Variants in MBD5 observed in about 807,000 individuals in gnomAD.
The protein encoded by MBD5 is methyl-CpG-binding domain protein 5.
MBD5 carries 13 observed loss-of-function variants against 117.3 expected under a neutral mutation model. The ratio of observed to expected loss-of-function variants is 0.11; its 90% CI spans 0.07 to 0.18. The LOEUF (loss-of-function observed/expected upper bound fraction) is 0.18, where lower values mean the gene tolerates loss of function less well. MBD5 is among the 10% of genes least tolerant of loss of function. The probability of loss-of-function intolerance (pLI) is 1.00; values close to 1 mark genes in which losing one functional copy is unlikely to be tolerated. For missense variants in MBD5, 1,879 were observed against 2,093.8 expected (o/e 0.90, Z 2.00); for synonymous variants, 727 against 766.4 (o/e 0.95, Z 0.85).
chr2:148,434,807 T>C (rs980935406), intron 4 of MBD5, among the ~76,000 whole-genome samples: 26 of 152,160 alleles, frequency 1.7e-4, no homozygotes, highest in African/African-American at 6.0e-4. Flanking sequence ...CTGAATATCA[T>C]TTTTAGTTTT....
intron 1 of MBD5, among the ~76,000 whole-genome samples, chr2:148,142,609 A>G (rs1256319046): frequency 2.0e-5 from 3 of 152,164 alleles, no homozygotes; most frequent in Admixed American, 6.6e-5. Flanking sequence ...AAGTAAATCA[A>G]GAAAGAGAAA....
At chr2:148,336,546 G>A (rs139675272) in intron 3 of MBD5, among the ~76,000 whole-genome samples, 10 of 151,806 alleles carry the variant, frequency 6.6e-5, no homozygotes, top group Non-Finnish European at 1.0e-4. Context: ...ACCACCACAC[G>A]CGGCAAATTT....
chr2:148,243,958 T>A (rs1243599357), intron 3 of MBD5: 1 of 151,666 alleles, frequency 6.6e-6, no homozygotes, highest in Non-Finnish European at 1.5e-5. Context: ...GAATTACAAG[T>A]GATCTTTAAG....
intron 4 of MBD5, among the ~76,000 whole-genome samples, chr2:148,344,457 G>GT (rs1280628760): frequency 3.9e-5 from 6 of 151,910 alleles, no homozygotes; most frequent in Non-Finnish European, 5.9e-5. Flanking sequence ...AGCATGTAAT[G>GT]TTTTTTCATT....
chr2:148,184,065 G>T, intron 2 of MBD5, among the ~76,000 whole-genome samples: 1 of 150,174 alleles, frequency 6.7e-6, no homozygotes, highest in Admixed American at 6.6e-5. Flanking sequence ...TGTCACCTGG[G>T]CTGGAATGCA....
chr2:148,479,289 T>C (rs1681068857), intron 8 of MBD5, among the ~76,000 whole-genome samples: 1 of 152,178 alleles, frequency 6.6e-6, no homozygotes, highest in Admixed American at 6.5e-5. Context: ...ATGTCCCTTA[T>C]CTCCTGGCAT....
chr2:148,452,594 GAA>G (rs5835191), intron 4 of MBD5, among the ~76,000 whole-genome samples: 83 of 151,488 alleles, frequency 5.5e-4, no homozygotes, highest in African/African-American at 1.3e-3. Context: ...AGCAAAATGA[GAA>G]AAAAAAAAGG....
chr2:148,092,052 G>GA (rs980375693), intron 1 of MBD5, among the ~76,000 whole-genome samples: 5 of 151,980 alleles, frequency 3.3e-5, no homozygotes, highest in African/African-American at 1.2e-4. Flanking sequence ...AATAAACATG[G>GA]AAAAATGCTC....
Position 148,435,374 on chromosome 2 carries a change from T to C in MBD5, c.-556-22829T>C, listed in dbSNP as rs576724908. On this transcript the variant is annotated intron_variant, in intron 4 of 13. Coordinates refer to ENST00000642680, the MANE Select transcript of MBD5 (RefSeq NM_001378120.1). ...AGTGTCACTCATCTGTGTACTGTTT[T>C]TGGAATGGCTGGTAACAGTCTTTCC... Among the ~76,000 whole-genome samples the C allele has an allele frequency of 2.0e-5, 3 of 152,288 alleles. No individual in the cohort carries two copies. The South Asian group carries it at 6.2e-4, about 32-fold the overall frequency.
chr2:148,303,585 T>C (rs1701822746), intron 3 of MBD5, among the ~76,000 whole-genome samples: 1 of 152,174 alleles, frequency 6.6e-6, no homozygotes, highest in South Asian at 2.1e-4. Context: ...AGAATATGAA[T>C]AAGAAAAAAT....
At chr2:148,491,362 C>A (rs1574487007) in intron 11 of MBD5, among the ~76,000 whole-genome samples, 1 of 146,504 alleles carries the variant, frequency 6.8e-6, no homozygotes, top group African/African-American at 2.6e-5. Context: ...AAGAAATATG[C>A]AGAGTGTTTA....
chr2:148,385,407 G>A (rs1162967401), intron 4 of MBD5, among the ~76,000 whole-genome samples: 1 of 152,132 alleles, frequency 6.6e-6, no homozygotes, highest in Non-Finnish European at 1.5e-5. Context: ...AAACCACAAT[G>A]AGATACCATC....
At chr2:148,427,116 C>A (rs1436736969) in intron 4 of MBD5, among the ~76,000 whole-genome samples, 1 of 152,164 alleles carries the variant, frequency 6.6e-6, no homozygotes, top group Non-Finnish European at 1.5e-5. Flanking sequence ...CATCTCACAC[C>A]AGTTACAATG....
intron 11 of MBD5, among the ~76,000 whole-genome samples, chr2:148,496,300 A>T (rs964606427): frequency 6.6e-6 from 1 of 152,212 alleles, no homozygotes; most frequent in Non-Finnish European, 1.5e-5. Flanking sequence ...CAATAAAGTC[A>T]ATTCCTGATC....
intron 3 of MBD5, among the ~76,000 whole-genome samples, chr2:148,297,059 AC>A (rs1701672344): frequency 6.6e-6 from 1 of 151,272 alleles, no homozygotes; most frequent in Non-Finnish European, 1.5e-5. Flanking sequence ...TATTTTTGGT[AC>A]TTGTAGTAGA....
chr2:148,285,052 CTG>C (rs1350288613), intron 3 of MBD5, among the ~76,000 whole-genome samples: 1 of 152,214 alleles, frequency 6.6e-6, no homozygotes, highest in Non-Finnish European at 1.5e-5. Flanking sequence ...CAGCAGCTGT[CTG>C]GTCCTTCTTC....
chr2:148,342,679 AC>A (rs570240032), intron 4 of MBD5, among the ~76,000 whole-genome samples: 452 of 152,098 alleles, frequency 3.0e-3, no homozygotes, highest in Non-Finnish European at 3.4e-3. Context: ...AATAATTATG[AC>A]TAGACACCAT....
intron 7 of MBD5, 54 bp downstream of exon 7, chr2:148,463,973 G>T: frequency 1.9e-6 from 3 of 1,568,718 alleles, no homozygotes; most frequent in Non-Finnish European, 2.6e-6. Context: ...AGAAGGAGTT[G>T]CTAGAAATCA....
chr2:148,261,291 A>C (rs1035826538), intron 3 of MBD5, among the ~76,000 whole-genome samples: 1 of 152,222 alleles, frequency 6.6e-6, no homozygotes, highest in Non-Finnish European at 1.5e-5. Flanking sequence ...AAAGTCCTAA[A>C]TGGCATCTTC....
Sources: allele counts gnomAD v4.1 joint callset (sites outside exome capture counted in the v4.1 genomes callset), GRCh38; gene constraint gnomAD v4.1.1; transcripts MANE v1.5; gene names NCBI Gene and HGNC (gene_info 2026-07-23, HGNC 2026-07-21).